The following EDNRA variants were observed in gnomAD, a reference collection of about 807,000 sequenced individuals.
EDNRA encodes endothelin receptor type A, also known as endothelin-1 receptor.
A neutral mutation model predicts 41.4 loss-of-function variants in EDNRA; 11 were observed. That is an observed-to-expected ratio of 0.27 (90% CI 0.17 to 0.44). The LOEUF (loss-of-function observed/expected upper bound fraction) is 0.44. Among genes scored for constraint, EDNRA ranks in the 20% least tolerant of loss-of-function variants. The pLI is 1.00. For synonymous variants in EDNRA, 172 were observed against 183.0 expected (o/e 0.94, Z 0.49); for missense variants, 294 against 531.0 (o/e 0.55, Z 4.39).
At chr4:147,508,967 T>A (rs1386613252) in intron 2 of EDNRA, among the ~76,000 whole-genome samples, 2 of 152,184 alleles carry the variant, frequency 1.3e-5, no homozygotes, top group South Asian at 4.1e-4. Context: ...TTAAGATGAA[T>A]TTGTTAGTTT....
At chr4:147,493,375 G>A (rs1302889683) in intron 2 of EDNRA, 1 of 151,996 alleles carries the variant, frequency 6.6e-6, no homozygotes, top group Non-Finnish European at 1.5e-5. Context: ...GTAGTCTTAT[G>A]AGTTGCTTGA....
chr4:147,535,441 C>A (rs1216881525), intron 4 of EDNRA, among the ~76,000 whole-genome samples: 2 of 152,232 alleles, frequency 1.3e-5, no homozygotes, highest in Non-Finnish European at 2.9e-5. Flanking sequence ...GTTAAATACA[C>A]TTTCACCACA....
intron 2 of EDNRA, among the ~76,000 whole-genome samples, chr4:147,514,290 C>T (rs1730023074): frequency 6.6e-6 from 1 of 152,002 alleles, no homozygotes; most frequent in Non-Finnish European, 1.5e-5. Context: ...GTTCACAACC[C>T]ATCCTGAATA....
intron 3 of EDNRA, 109 bp downstream of exon 3, chr4:147,520,087 C>T: frequency 2.9e-6 from 4 of 1,363,404 alleles, no homozygotes; most frequent in Non-Finnish European, 4.0e-6. Context: ...TGATTAGCTT[C>T]AAGTGAATTA....
intron 5 of EDNRA, 147 bp from the exon 6 acceptor site, chr4:147,539,670 G>C (rs1428445200): frequency 2.4e-6 from 2 of 850,778 alleles, no homozygotes; most frequent in Non-Finnish European, 3.6e-6. Context: ...TCTTGAAGAG[G>C]TAGAGGCAGT....
chr4:147,522,758 A>G (rs564750010), intron 3 of EDNRA, among the ~76,000 whole-genome samples: 1 of 152,264 alleles, frequency 6.6e-6, no homozygotes, highest in African/African-American at 2.4e-5. Flanking sequence ...CCAAACTCTG[A>G]ATAATAGTTG....
At chr4:147,528,101 A>C (rs62345688) in intron 3 of EDNRA, among the ~76,000 whole-genome samples, 30,914 of 152,146 alleles carry the variant, frequency 0.2, 3,625 homozygotes, top group African/African-American at 0.33. Context: ...TACACAGTAC[A>C]TCTGTGTAAA....
chr4:147,531,246 T>C (rs1293795257), intron 3 of EDNRA, among the ~76,000 whole-genome samples: 1 of 152,238 alleles, frequency 6.6e-6, no homozygotes, highest in Non-Finnish European at 1.5e-5. Context: ...TTCTGTTAGA[T>C]TGTAAACCCT....
chr4:147,496,728 G>A (rs10305881), intron 2 of EDNRA, among the ~76,000 whole-genome samples: 5,207 of 152,264 alleles, frequency 0.034, 311 homozygotes, highest in African/African-American at 0.12. Flanking sequence ...TCAACATTAT[G>A]TTTGTGAGAG....
At chr4:147,540,960 C>T (rs1038631457) in intron 7 of EDNRA, among the ~76,000 whole-genome samples, 3 of 150,808 alleles carry the variant, frequency 2.0e-5, no homozygotes, top group Admixed American at 1.3e-4. Flanking sequence ...CGGGCACCTG[C>T]AGTCCCAGCT....
At chr4:147,524,448 T>G (rs1041186981) in intron 3 of EDNRA, among the ~76,000 whole-genome samples, 4 of 151,788 alleles carry the variant, frequency 2.6e-5, no homozygotes, top group Admixed American at 6.6e-5. Flanking sequence ...CGATAAATAG[T>G]TGTGTATCAA....
chr4:147,516,905 C>G (rs1578799010), intron 2 of EDNRA, among the ~76,000 whole-genome samples: 2 of 151,960 alleles, frequency 1.3e-5, no homozygotes, highest in African/African-American at 4.8e-5. Flanking sequence ...AATAGAATTG[C>G]TCTCCAGAAA....
intron 2 of EDNRA, among the ~76,000 whole-genome samples, chr4:147,500,004 C>T (rs1729455167): frequency 6.6e-6 from 1 of 151,678 alleles, no homozygotes; most frequent in Admixed American, 6.6e-5. Flanking sequence ...GGGGTTTCAC[C>T]GTGTTGGCCA....
At chr4:147,506,116 G>A (rs1269708618) in intron 2 of EDNRA, 6 of 525,996 alleles carry the variant, frequency 1.1e-5, no homozygotes, top group African/African-American at 1.9e-5. Flanking sequence ...TCACAGCAAT[G>A]AGCTAAAGCC....
At chr4:147,488,606 A>G (rs1729025036) in intron 2 of EDNRA, 1 of 152,254 alleles carries the variant, frequency 6.6e-6, no homozygotes. Flanking sequence ...TAAAAAAACA[A>G]ATACTCTTTA....
chr4:147,535,853 C>CT lies in EDNRA; in HGVS notation c.748-11dup, dbSNP rs113823592. 41,634 of 1,080,162 alleles carry CT rather than the reference C, an allele frequency of 0.039. No homozygotes were observed. Among genetic ancestry groups the CT allele is most frequent in the Non-Finnish European group, 0.042 (32,124 of 774,046 alleles). The allele number at this position is 1,080,162 out of a possible 1,614,324, so 66.9% of individuals were successfully genotyped here. ...GACATGACTCTGCTCCTCCTTTTCT[C>CT]TTTTTTTTTTTTTCACTTTGAAGTT... On this transcript the variant is annotated intron_variant, in intron 4 of 7. Coordinates refer to ENST00000651419, the MANE Select transcript of EDNRA (RefSeq NM_001957.4).
intron 1 of EDNRA, among the ~76,000 whole-genome samples, chr4:147,484,863 C>A (rs1728890090): frequency 6.6e-6 from 1 of 152,228 alleles, no homozygotes; most frequent in Non-Finnish European, 1.5e-5. Context: ...TTATTTCATT[C>A]TTAATTGAAA....
intron 2 of EDNRA, among the ~76,000 whole-genome samples, chr4:147,516,731 G>C (rs1382871085): frequency 6.6e-6 from 1 of 151,952 alleles, no homozygotes; most frequent in Non-Finnish European, 1.5e-5. Flanking sequence ...GTCTTGTTTT[G>C]TTTTGTTTTT....
intron 2 of EDNRA, among the ~76,000 whole-genome samples, chr4:147,515,203 G>GATATT (rs1263355260): frequency 6.6e-6 from 1 of 152,172 alleles, no homozygotes; most frequent in African/African-American, 2.4e-5. Context: ...CAGCACCAGT[G>GATATT]ATATTTGGGT....
Sources: gnomAD v4.1 joint callset for allele counts (sites outside exome capture counted in the v4.1 genomes callset) on GRCh38, gnomAD v4.1.1 for gene constraint, MANE v1.5 for transcripts, NCBI Gene and HGNC (gene_info 2026-07-23, HGNC 2026-07-21) for gene names.